The following AGO3 variants were observed in gnomAD, a reference collection of about 807,000 sequenced individuals.
AGO3 encodes protein argonaute-3.
In AGO3, 16 loss-of-function variants were observed where a neutral mutation model predicts 105.5. The observed-to-expected ratio is 0.15, with a 90% confidence interval of 0.10 to 0.23. The LOEUF is 0.23. AGO3 is among the 10% of genes least tolerant of loss of function. The pLI, the probability that AGO3 is intolerant of heterozygous loss-of-function variation, is 1.00. For missense variants in AGO3, 534 were observed against 1,088.0 expected, an observed-to-expected ratio of 0.49 and a Z score of 7.16; for synonymous variants, 340 against 367.3, an observed-to-expected ratio of 0.93 and a Z score of 0.85.
At chr1:36,033,328 C>T (rs1424206042) in intron 12 of AGO3, among the ~76,000 whole-genome samples, 3 of 146,582 alleles carry the variant, frequency 2.0e-5, no homozygotes, top group Non-Finnish European at 4.5e-5. Flanking sequence ...CAGAATGTGA[C>T]TCCATCTCAA....
chr1:36,000,101 G>A (rs1640015382), intron 5 of AGO3, among the ~76,000 whole-genome samples: 1 of 151,932 alleles, frequency 6.6e-6, no homozygotes, highest in Non-Finnish European at 1.5e-5. Flanking sequence ...CTTATTTCCT[G>A]TAACATGTTA....
At chr1:35,949,110 A>G (rs1390554764) in intron 2 of AGO3, among the ~76,000 whole-genome samples, 1 of 151,946 alleles carries the variant, frequency 6.6e-6, no homozygotes, top group Non-Finnish European at 1.5e-5. Context: ...TGCCCAGCTA[A>G]TTTTGTATTA....
In AGO3 at chr1:36,043,261, T is replaced by C. The variant is rs537071358; in HGVS notation, c.2173-186T>C. ...TTTTGTTGTGTATCAGCGCTCACTTTCAGCAACATGTAAGAATAGGAACTA... is the reference window on the plus strand; with the variant it reads ...TTTTGTTGTGTATCAGCGCTCACTTCCAGCAACATGTAAGAATAGGAACTA... On this transcript the variant is annotated intron_variant, in intron 16 of 18. Coordinates refer to ENST00000373191, the MANE Select transcript of AGO3 (RefSeq NM_024852.4). The C allele has an allele frequency of 3.1e-5, 18 of 573,246 alleles. No individual in the cohort carries two copies. In the African/African-American group the frequency reaches 3.5e-4, roughly 11 times the overall value. The allele number at this position is 573,246 out of a possible 1,614,324, so 35.5% of individuals were successfully genotyped here.
At chr1:36,046,268 C>T (rs979162271) in intron 17 of AGO3, among the ~76,000 whole-genome samples, 1 of 152,194 alleles carries the variant, frequency 6.6e-6, no homozygotes, top group African/African-American at 2.4e-5. Context: ...TGTCTTGCTC[C>T]AGGGGCAAGT....
rs1398194760 is a variant in AGO3, at chr1:36,069,462, G to T, written c.*13717G>T. 6.6e-6 allele frequency: 1 copy of T among 152,220 alleles called. No individual in the cohort carries two copies. The highest frequency in any genetic ancestry group is 1.5e-5 in the Non-Finnish European group (1 of 68,044). 9.4% of individuals were successfully genotyped at this position (152,220 alleles called of 1,614,324 possible). ...TCTCCAAAGGAAAAGCTATTCAGAC[G>T]TTCAAGATAATAGAAGAGTGTTGTG... On this transcript the variant is annotated 3_prime_UTR_variant, in exon 19 of 19. Coordinates refer to ENST00000373191, the MANE Select transcript of AGO3 (RefSeq NM_024852.4).
chr1:35,961,307 A>G (rs372420334), intron 2 of AGO3, among the ~76,000 whole-genome samples: 23 of 152,138 alleles, frequency 1.5e-4, no homozygotes, highest in African/African-American at 5.5e-4. Context: ...CGGATATTTC[A>G]TTTTAATCTT....
intron 11 of AGO3, among the ~76,000 whole-genome samples, chr1:36,014,896 A>G (rs943690596): frequency 5.3e-5 from 8 of 152,106 alleles, no homozygotes; most frequent in Non-Finnish European, 8.8e-5. Context: ...CACAAGCTCA[A>G]ACCATGTTTT....
At chr1:35,934,953 C>T (rs931427566) in intron 1 of AGO3, among the ~76,000 whole-genome samples, 1 of 151,930 alleles carries the variant, frequency 6.6e-6, no homozygotes, top group South Asian at 2.1e-4. Context: ...ATGTTTTTGT[C>T]GTTATATAAA....
Position 36,062,258 on chromosome 1 carries a change from G to A in AGO3, c.*6513G>A, listed in dbSNP as rs962966653. On this transcript the variant is annotated 3_prime_UTR_variant, in exon 19 of 19. Coordinates refer to ENST00000373191, the MANE Select transcript of AGO3 (RefSeq NM_024852.4). Reference sequence around the variant, plus strand: ...GCTTACTGCAAACTCCGCCTCCCGGGTTCAAGTGATTCTCGTGCCTCAGCC... The same window carrying A: ...GCTTACTGCAAACTCCGCCTCCCGGATTCAAGTGATTCTCGTGCCTCAGCC... The A allele has an allele frequency of 6.6e-6, 1 of 151,332 alleles. No individual in the cohort carries two copies. Among genetic ancestry groups the A allele is most frequent in the Non-Finnish European group, 1.5e-5 (1 of 67,978 alleles). The allele number at this position is 151,332 out of a possible 1,614,324, so 9.4% of individuals were successfully genotyped here. A position where few individuals can be genotyped will look rare whatever the true frequency, so the allele number is the denominator to read the frequency against.
intron 11 of AGO3, among the ~76,000 whole-genome samples, chr1:36,014,786 A>G (rs995618450): frequency 1.3e-5 from 2 of 151,850 alleles, no homozygotes; most frequent in Non-Finnish European, 2.9e-5. Flanking sequence ...AAAAAAAAAA[A>G]AAAACTTCTC....
At chr1:35,989,700 C>T (rs1296232872) in intron 5 of AGO3, among the ~76,000 whole-genome samples, 2 of 152,014 alleles carry the variant, frequency 1.3e-5, no homozygotes, top group African/African-American at 2.4e-5. Context: ...GATGGTGAAA[C>T]CCTGTCTCTA....
chr1:35,953,138 G>A lies in AGO3; in HGVS notation c.191+7275G>A, dbSNP rs191191598. Among the ~76,000 whole-genome samples, 489 of 152,218 alleles carry A rather than the reference G, an allele frequency of 3.2e-3. 1 individual carries two copies. The highest frequency in any genetic ancestry group is 0.011 in the African/African-American group (447 of 41,542). On this transcript the variant is annotated intron_variant, in intron 2 of 18. Coordinates refer to ENST00000373191, the MANE Select transcript of AGO3 (RefSeq NM_024852.4). ...AAACTGCCAGACTCTTTTCCAAAGT[G>A]GCTGCACCAGCCAGACATGGTGGCT...
chr1:35,993,350 A>G (rs1387187223), intron 5 of AGO3, among the ~76,000 whole-genome samples: 1 of 152,226 alleles, frequency 6.6e-6, no homozygotes, highest in Non-Finnish European at 1.5e-5. Context: ...TATTTAAAAA[A>G]AATAAGTAGG....
intron 11 of AGO3, among the ~76,000 whole-genome samples, chr1:36,026,222 C>T (rs1056402150): frequency 6.6e-6 from 1 of 152,072 alleles, no homozygotes; most frequent in African/African-American, 2.4e-5. Flanking sequence ...GATTCTCCTG[C>T]CTCAGCCTCC....
chr1:36,018,843 A>G (rs866303901), intron 11 of AGO3, among the ~76,000 whole-genome samples: 6 of 152,198 alleles, frequency 3.9e-5, no homozygotes, highest in Middle Eastern at 6.8e-3. Flanking sequence ...GAAAAAATTG[A>G]GAGCCAAAAG....
intron 9 of AGO3, among the ~76,000 whole-genome samples, chr1:36,012,226 C>G (rs1046422799): frequency 6.6e-6 from 1 of 151,002 alleles, no homozygotes; most frequent in African/African-American, 2.4e-5. Flanking sequence ...CCCAGCTACT[C>G]AGGAGGCTGG....
rs532104458 is a variant in AGO3 at position 36,064,961 on chromosome 1, G to A, written c.*9216G>A. 2.0e-4 allele frequency: 31 copies of A among 152,238 alleles called. 1 individual carries two copies. Among genetic ancestry groups the A allele is most frequent in the African/African-American group, 7.0e-4 (29 of 41,524 alleles). The allele number at this position is 152,238 out of a possible 1,614,324, so 9.4% of individuals were successfully genotyped here. ...AGGCGGGCGGATCACGAGGTCAGGAGTTGGAGACCAGCCTGCCCAATATGG... is the reference window on the plus strand; with the variant it reads ...AGGCGGGCGGATCACGAGGTCAGGAATTGGAGACCAGCCTGCCCAATATGG... On this transcript the variant is annotated 3_prime_UTR_variant, in exon 19 of 19. Transcript: ENST00000373191.
At chr1:35,988,159 A>T (rs1357344995) in intron 5 of AGO3, among the ~76,000 whole-genome samples, 1 of 152,172 alleles carries the variant, frequency 6.6e-6, no homozygotes, top group Admixed American at 6.6e-5. Flanking sequence ...TCCCCAGCTA[A>T]TGTATTCAGG....
rs115186227 is a variant in AGO3 at position 36,015,278 on chromosome 1, T to C, written c.1406+1230T>C. ...GGATGCAGTAAAGATATCCATAGGG[T>C]GAGGTATGGGGACGGAGTGTGGAGT... On this transcript the variant is annotated intron_variant, in intron 11 of 18. Transcript: ENST00000373191. 8.3e-3 allele frequency among the ~76,000 whole-genome samples: 1,265 copies of C among 152,262 alleles called. 19 individuals carry two copies. Among genetic ancestry groups the C allele is most frequent in the African/African-American group, 0.029 (1,186 of 41,568 alleles).
Sources: gnomAD v4.1 joint callset for allele counts (sites outside exome capture counted in the v4.1 genomes callset) on GRCh38, gnomAD v4.1.1 for gene constraint, MANE v1.5 for transcripts, NCBI Gene and HGNC (gene_info 2026-07-23, HGNC 2026-07-21) for gene names.